Variants in PINK1 observed in about 807,000 individuals in gnomAD.
PINK1 encodes PTEN induced kinase 1, also known as serine/threonine-protein kinase PINK1, mitochondrial.
PINK1 carries 58 observed loss-of-function variants against 56.0 expected under a neutral mutation model. The observed-to-expected ratio is 1.04, with a 90% CI of 0.84 to 1.29. The LOEUF is 1.29. Ranked by LOEUF, PINK1 falls within the 50% of genes most tolerant of loss-of-function variation. The pLI, the probability that PINK1 is intolerant of heterozygous loss-of-function variation, is 0.00. For missense variants in PINK1, 745 were observed against 777.9 expected (o/e 0.96, Z 0.50); for synonymous variants, 354 against 339.3 (o/e 1.04, Z -0.48).
chr1:20,650,785 A>G lies in PINK1; in HGVS notation c.*94A>G. ...TGGTGAGGGTGGGAGTCAGGAGACA[A>G]GACAGCGCAGAGAGGGCTGGTTAGC... On this transcript the variant is annotated 3_prime_UTR_variant, in exon 8 of 8. Coordinates refer to ENST00000321556, the MANE Select transcript of PINK1 (RefSeq NM_032409.3). 6.6e-7 allele frequency: 1 copy of G among 1,514,282 alleles called. No individual in the cohort carries two copies. Among genetic ancestry groups the G allele is most frequent in the Non-Finnish European group, 8.9e-7 (1 of 1,121,594 alleles). The allele number at this position is 1,514,282 out of a possible 1,614,324, so 93.8% of individuals were successfully genotyped here.
At chr1:20,648,468 G>A (rs1423997757) in intron 5 of PINK1, 37 bp from the exon 6 acceptor site, 10 of 1,613,660 alleles carry the variant, frequency 6.2e-6, no homozygotes, top group African/African-American at 1.3e-5. Flanking sequence ...AGGGAAGGAG[G>A]GGAGGAGAAA....
chr1:20,643,824 G>A (rs1478076080), intron 3 of PINK1, among the ~76,000 whole-genome samples: 2 of 152,154 alleles, frequency 1.3e-5, no homozygotes, highest in African/African-American at 4.8e-5. Context: ...AGAAGATAAG[G>A]ACAGAGGGGA....
rs2053260755 is a variant in PINK1, at chr1:20,650,749, T to C, written c.*58T>C. On this transcript the variant is annotated 3_prime_UTR_variant, in exon 8 of 8. Transcript: ENST00000321556. ...GAACATGGCATCCTCTGTGTCGTGA[T>C]GGTCTGTGAATGGTGAGGGTGGGAG... 2 of 1,586,768 alleles carry C rather than the reference T, an allele frequency of 1.3e-6. No homozygotes were observed. Among genetic ancestry groups the C allele is most frequent in the Non-Finnish European group, 1.7e-6 (2 of 1,170,634 alleles).
intron 3 of PINK1, among the ~76,000 whole-genome samples, chr1:20,640,475 C>T (rs1189300438): frequency 1.3e-5 from 2 of 152,082 alleles, no homozygotes; most frequent in African/African-American, 4.8e-5. Context: ...GTGCTAGAAT[C>T]GAGTATGCTT....
At chr1:20,640,774 A>C (rs556021796) in intron 3 of PINK1, among the ~76,000 whole-genome samples, 1 of 152,302 alleles carries the variant, frequency 6.6e-6, no homozygotes, top group African/African-American at 2.4e-5. Flanking sequence ...AGCCTGGCTC[A>C]TGCCTGTAAT....
At chr1:20,649,306 T>G in intron 7 of PINK1, 75 bp downstream of exon 7, 1 of 1,493,208 alleles carries the variant, frequency 6.7e-7, no homozygotes, top group Non-Finnish European at 9.3e-7. Flanking sequence ...AAGGTCAGGT[T>G]TGGGCCAGAG....
In PINK1 at chr1:20,641,410, T is replaced by TGTC. The variant is rs1350132364; in HGVS notation, c.776+1418_776+1419insGTC. Among the ~76,000 whole-genome samples the TGTC allele has an allele frequency of 6.6e-6, 1 of 152,136 alleles. No individual in the cohort carries two copies. Among genetic ancestry groups the TGTC allele is most frequent in the Non-Finnish European group, 1.5e-5 (1 of 68,028 alleles). Reference sequence around the variant, plus strand: ...CACCATGATGTCTGCTGCTGAGACCTCCCATCTGACATAGTCCCTGTCCCT... The same window carrying TGTC: ...CACCATGATGTCTGCTGCTGAGACCTGTCCCCATCTGACATAGTCCCTGTCCCT... On this transcript the variant is annotated intron_variant, in intron 3 of 7. Coordinates refer to ENST00000321556, the MANE Select transcript of PINK1 (RefSeq NM_032409.3). The surrounding 1 kb of genome is among the most constrained non-coding windows in gnomAD (Gnocchi z 4.0).
At chr1:20,650,133 T>C (rs528658874) in intron 7 of PINK1, 174 of 465,186 alleles carry the variant, frequency 3.7e-4, no homozygotes, top group African/African-American at 3.2e-3. Context: ...TAGAGGAGAC[T>C]ACTTACCTGG....
Position 20,650,554 on chromosome 1 carries a change from G to A in PINK1, c.1609G>A (p.Ala537Thr), listed in dbSNP as rs771032673. The change falls in exon 8 of 8, where the codon GCC (alanine) becomes ACC (threonine). Residue 537 changes from alanine to threonine, a missense_variant. By Grantham distance (58) the Ala-to-Thr change is moderately conservative (BLOSUM62 0). Transcript: ENST00000321556. Reference protein sequence around the residue: ...MVGWLLQQSAATLLANRLTEK... With the variant: ...MVGWLLQQSATTLLANRLTEK... ...TGGCTGGCTCCTCCAACAATCGGCC[G>A]CCACTTTGTTGGCCAACAGGCTCAC... 4.6e-5 allele frequency: 74 copies of A among 1,614,074 alleles called. No individual in the cohort carries two copies. Among genetic ancestry groups the A allele is most frequent in the African/African-American group, 1.1e-4 (8 of 74,930 alleles).
At chr1:20,643,519 C>G (rs144611614) in intron 3 of PINK1, among the ~76,000 whole-genome samples, 5 of 152,238 alleles carry the variant, frequency 3.3e-5, no homozygotes, top group African/African-American at 1.2e-4. Context: ...AGTCCTTGCT[C>G]TTAGGGAGCT....
intron 1 of PINK1, among the ~76,000 whole-genome samples, chr1:20,636,544 A>G (rs1028022597): frequency 1.3e-5 from 2 of 151,908 alleles, no homozygotes; most frequent in Admixed American, 1.3e-4. Context: ...GGGTTTCACT[A>G]TGTTGGCCAG....
chr1:20,643,386 C>G (rs1180463659), intron 3 of PINK1, among the ~76,000 whole-genome samples: 1 of 152,254 alleles, frequency 6.6e-6, no homozygotes, highest in Non-Finnish European at 1.5e-5. Context: ...CCAGGGCAGG[C>G]AGATGACACT....
Position 20,641,184 on chromosome 1 carries a change from G to A in PINK1, c.776+1192G>A, listed in dbSNP as rs1483664705. Among the ~76,000 whole-genome samples the A allele has an allele frequency of 6.6e-6, 1 of 152,190 alleles. No individual in the cohort carries two copies. Among genetic ancestry groups the A allele is most frequent in the East Asian group, 1.9e-4 (1 of 5,192 alleles). Reference sequence around the variant, plus strand: ...AGTGGTTGTGGAAAACCCCTTCCATGGTTTGGAGGTTTCCAATGTGACTGG... The same window carrying A: ...AGTGGTTGTGGAAAACCCCTTCCATAGTTTGGAGGTTTCCAATGTGACTGG... On this transcript the variant is annotated intron_variant, in intron 3 of 7. Coordinates refer to ENST00000321556, the MANE Select transcript of PINK1 (RefSeq NM_032409.3). This position sits in a 1 kb window ranked among gnomAD's most constrained non-coding sequence, Gnocchi z 4.0.
At chr1:20,634,702 G>C (rs962883236) in intron 1 of PINK1, among the ~76,000 whole-genome samples, 2 of 152,230 alleles carry the variant, frequency 1.3e-5, no homozygotes, top group African/African-American at 4.8e-5. Context: ...AGCCAGGGAG[G>C]AGCCAGCGGT....
chr1:20,640,897 A>T (rs931586499), intron 3 of PINK1, among the ~76,000 whole-genome samples: 2 of 152,092 alleles, frequency 1.3e-5, no homozygotes, highest in Non-Finnish European at 2.9e-5. Flanking sequence ...TTAGCCGGGC[A>T]TGGGGGCAAA....
Position 20,650,841 on chromosome 1 carries a change from G to T in PINK1, c.*150G>T. The T allele has an allele frequency of 2.0e-6, 2 of 1,010,804 alleles. No homozygotes were observed. The highest frequency in any genetic ancestry group is 2.9e-6 in the Non-Finnish European group (2 of 679,160). The allele number at this position is 1,010,804 out of a possible 1,614,324, so 62.6% of individuals were successfully genotyped here. A position where few individuals can be genotyped will look rare whatever the true frequency, so the allele number is the denominator to read the frequency against. On this transcript the variant is annotated 3_prime_UTR_variant, in exon 8 of 8. Coordinates refer to ENST00000321556, the MANE Select transcript of PINK1 (RefSeq NM_032409.3). ...AAGGCCTCGGGCTTGGCAAATGGAA[G>T]AACTTGAGTGAGAGTTCAGTCTGCA...
intron 1 of PINK1, among the ~76,000 whole-genome samples, chr1:20,636,370 A>C (rs2053057082): frequency 6.7e-6 from 1 of 148,628 alleles, no homozygotes; most frequent in Non-Finnish European, 1.5e-5. Flanking sequence ...TTTGATACGG[A>C]GTCTCACACC....
intron 5 of PINK1, chr1:20,648,279 A>T (rs569234251): frequency 1.7e-6 from 1 of 599,052 alleles, no homozygotes; most frequent in African/African-American, 1.8e-5. Flanking sequence ...TGAGCCACAC[A>T]GTCCTTTGCC....
rs1315444685 is a variant in PINK1, at chr1:20,651,129, A to G, written c.*438A>G. The G allele has an allele frequency of 1.6e-5, 4 of 257,478 alleles. No individual in the cohort carries two copies. Among genetic ancestry groups the G allele is most frequent in the Admixed American group, 5.0e-5 (1 of 19,914 alleles). 15.9% of individuals were successfully genotyped at this position (257,478 alleles called of 1,614,324 possible). A position where few individuals can be genotyped will look rare whatever the true frequency, so the allele number is the denominator to read the frequency against. On this transcript the variant is annotated 3_prime_UTR_variant, in exon 8 of 8. Coordinates refer to ENST00000321556, the MANE Select transcript of PINK1 (RefSeq NM_032409.3). ...TTCAGTTACGGGAGTGGGAAATTAC[A>G]TGAGGCCTGGGCCTCTGCGTTCCCA... is the stretch of plus-strand genomic sequence containing the variant.
Sources: allele counts gnomAD v4.1 joint callset (sites outside exome capture counted in the v4.1 genomes callset), GRCh38; gene constraint gnomAD v4.1.1; non-coding constraint Gnocchi (gnomAD v3.1); transcripts MANE v1.5; gene names NCBI Gene and HGNC (gene_info 2026-07-23, HGNC 2026-07-21).